The following UBA6 variants were observed in gnomAD, a reference collection of about 807,000 sequenced individuals.
The protein encoded by UBA6 is ubiquitin-like modifier-activating enzyme 6.
Under a neutral mutation model 148.3 loss-of-function variants are expected in UBA6, and 87 were observed. The ratio of observed to expected loss-of-function variants is 0.59; its 90% CI spans 0.49 to 0.70. The LOEUF is 0.70. UBA6 is among the 30% of genes least tolerant of loss of function. The probability of loss-of-function intolerance (pLI) is 0.00; values close to 1 mark genes in which losing one functional copy is unlikely to be tolerated. For missense variants in UBA6, 1,186 were observed against 1,241.2 expected (o/e 0.96, Z 0.67); for synonymous variants, 376 against 401.0 (o/e 0.94, Z 0.75).
rs1203118001 is a variant in UBA6 at position 67,646,069 on chromosome 4, T to C, written c.1317-53A>G. ...CAGAAATAAAAAACATTAAAATTAG[T>C]TTCACTGTCATTAATACCAATTTAA... On this transcript the variant is annotated intron_variant, in intron 15 of 32. Coordinates refer to ENST00000322244, the MANE Select transcript of UBA6 (RefSeq NM_018227.6). 19 of 1,087,618 alleles carry C rather than the reference T, an allele frequency of 1.7e-5. No individual in the cohort carries two copies. The South Asian group carries it at 2.5e-4, about 14-fold the overall frequency. 67.4% of individuals were successfully genotyped at this position (1,087,618 alleles called of 1,614,324 possible).
At chr4:67,655,979 A>G (rs1401632186) in intron 13 of UBA6, among the ~76,000 whole-genome samples, 1 of 152,238 alleles carries the variant, frequency 6.6e-6, no homozygotes. Flanking sequence ...CCCTCCCAAG[A>G]CTAAACCAGA....
intron 1 of UBA6, among the ~76,000 whole-genome samples, chr4:67,697,369 T>C (rs1337702905): frequency 1.3e-5 from 2 of 152,228 alleles, no homozygotes; most frequent in South Asian, 2.1e-4. Context: ...TTTCTCTATA[T>C]ATACAGTCTT....
rs899510860 is a variant in UBA6 at position 67,616,423 on chromosome 4, T to C, written c.*2574A>G. The stretch of plus-strand genomic sequence containing the variant: ...CCATGAATATCACCAGAGTGTGACA[T>C]AGTAGATTAAAAAATAAAGATATAC... On this transcript the variant is annotated 3_prime_UTR_variant, in exon 33 of 33. Transcript: ENST00000322244. The C allele has an allele frequency of 2.4e-5, 7 of 294,036 alleles. No individual in the cohort carries two copies. Among genetic ancestry groups the C allele is most frequent in the East Asian group, 5.1e-5 (1 of 19,532 alleles). 18.2% of individuals were successfully genotyped at this position (294,036 alleles called of 1,614,324 possible). A position where few individuals can be genotyped will look rare whatever the true frequency, so the allele number is the denominator to read the frequency against.
intron 6 of UBA6, among the ~76,000 whole-genome samples, chr4:67,675,872 T>C (rs1479312964): frequency 1.3e-5 from 2 of 152,180 alleles, no homozygotes; most frequent in South Asian, 2.1e-4. Context: ...CTTTTTCCCA[T>C]CTTGTTATTT....
intron 7 of UBA6, 33 bp downstream of exon 7, chr4:67,673,664 T>C: frequency 6.8e-7 from 1 of 1,473,160 alleles, no homozygotes; most frequent in Non-Finnish European, 9.4e-7. Flanking sequence ...CTTCCTTGGT[T>C]AACTACATGT....
Position 67,618,753 on chromosome 4 carries a change from A to C in UBA6, c.*244T>G, listed in dbSNP as rs1577782948. ...ACAGATTAATACACAAAACTTTTGT[A>C]AATAGCATTCCAGTTCAAAGTTGCT... On this transcript the variant is annotated 3_prime_UTR_variant, in exon 33 of 33. Coordinates refer to ENST00000322244, the MANE Select transcript of UBA6 (RefSeq NM_018227.6). 5.5e-6 allele frequency: 2 copies of C among 363,592 alleles called. No individual in the cohort carries two copies. The highest frequency in any genetic ancestry group is 9.8e-6 in the Non-Finnish European group (2 of 203,916). The allele number at this position is 363,592 out of a possible 1,614,324, so 22.5% of individuals were successfully genotyped here.
At chr4:67,681,206 T>C (rs931533253) in intron 4 of UBA6, among the ~76,000 whole-genome samples, 6 of 152,224 alleles carry the variant, frequency 3.9e-5, no homozygotes, top group African/African-American at 1.4e-4. Context: ...GAAAATTATA[T>C]TGCTGCTTCA....
chr4:67,658,640 A>T (rs1027798247), intron 13 of UBA6, among the ~76,000 whole-genome samples: 3 of 152,196 alleles, frequency 2.0e-5, no homozygotes, highest in Admixed American at 1.3e-4. Context: ...CCCATGATGC[A>T]AATTTACCTA....
In UBA6 at chr4:67,635,526, T is replaced by C. The variant is rs745697876; in HGVS notation, c.1769A>G (p.Asp590Gly). Residue 590 changes from aspartate to glycine, a missense_variant, in exon 20 of 33, where the codon GAT (aspartate) becomes GGT (glycine). Asp to Gly is a moderately conservative substitution (Grantham distance 94). Coordinates refer to ENST00000322244, the MANE Select transcript of UBA6 (RefSeq NM_018227.6). ...TCCCTTAGTGCCCATTGTTCCAGAA[T>C]CTAAAAGAGGCCTTAGATTTGCTAA... is the stretch of plus-strand genomic sequence containing the variant. ...RCLANLRPLL[D>G]SGTMGTKGHT... is the part of the protein sequence containing the mutation. 1 of 1,612,966 alleles carries C rather than the reference T, an allele frequency of 6.2e-7. No homozygotes were observed. Among genetic ancestry groups the C allele is most frequent in the Non-Finnish European group, 8.5e-7 (1 of 1,179,208 alleles).
chr4:67,701,109 G>A lies in UBA6; in HGVS notation c.11C>T (p.Ser4Phe), dbSNP rs756082302. 6.2e-7 allele frequency: 1 copy of A among 1,613,252 alleles called. No homozygotes were observed. The highest frequency in any genetic ancestry group is 8.5e-7 in the Non-Finnish European group (1 of 1,179,756). ...CCCCTGATGGGCGGCCACAGGCTCG[G>A]ATCCTTCCATTGCCGCCTGAGACAC... Reference protein sequence around the residue: MEGSEPVAAHQGEE... With the variant: MEGFEPVAAHQGEE... Residue 4 changes from serine to phenylalanine, a missense_variant, in exon 1 of 33, where the codon TCC becomes TTC. Coordinates refer to ENST00000322244, the MANE Select transcript of UBA6 (RefSeq NM_018227.6).
At position 67,638,875 on chromosome 4, in the gene UBA6, A is replaced by G. The variant is rs1729233982; in HGVS notation, c.1736+68T>C. ...TCAGATAATTCCGTAACTTTTCAATAAGTAATGTGGGAAACAGAAGTGAAA... is the reference window on the plus strand; with the variant it reads ...TCAGATAATTCCGTAACTTTTCAATGAGTAATGTGGGAAACAGAAGTGAAA... On this transcript the variant is annotated intron_variant, in intron 19 of 32. Coordinates refer to ENST00000322244, the MANE Select transcript of UBA6 (RefSeq NM_018227.6). 7 of 1,192,316 alleles carry G rather than the reference A, an allele frequency of 5.9e-6. No homozygotes were observed. The East Asian group carries it at 1.6e-4, about 28-fold the overall frequency. The allele number at this position is 1,192,316 out of a possible 1,614,324, so 73.9% of individuals were successfully genotyped here.
At chr4:67,622,722 G>A in intron 32 of UBA6, 109 bp downstream of exon 32, 1 of 763,784 alleles carries the variant, frequency 1.3e-6, no homozygotes, top group South Asian at 2.2e-5. Context: ...CATTAGACAA[G>A]ACTAATGCTT....
rs1728782836 is a variant in UBA6 at position 67,622,920 on chromosome 4, C to A, written c.2934G>T (p.Lys978Asn). The A allele has an allele frequency of 6.2e-7, 1 of 1,607,016 alleles. No homozygotes were observed. The highest frequency in any genetic ancestry group is 1.7e-5 in the Admixed American group (1 of 58,778). The change falls in exon 32 of 33, where the codon AAG becomes AAT. Residue 978 changes from lysine to asparagine, a missense_variant. Physicochemically the swap from Lys to Asn is moderately conservative, Grantham distance 94. Transcript: ENST00000322244. ...LLDFINAVKE[K>N]YGIEPTMVVQ... Reference sequence around the variant, plus strand: ...CCACCATTGTTGGCTCAATTCCATACTTCTCCTAAAAGTGAATATCCAAAA... The same window carrying A: ...CCACCATTGTTGGCTCAATTCCATAATTCTCCTAAAAGTGAATATCCAAAA...
chr4:67,677,381 A>C (rs971724402), intron 6 of UBA6, among the ~76,000 whole-genome samples: 1 of 152,220 alleles, frequency 6.6e-6, no homozygotes. Flanking sequence ...GTAGTTTTTA[A>C]TGGATATTAC....
intron 13 of UBA6, among the ~76,000 whole-genome samples, chr4:67,659,012 T>A (rs2109929439): frequency 6.6e-6 from 1 of 152,302 alleles, no homozygotes; most frequent in Middle Eastern, 3.4e-3. Flanking sequence ...ACCCAAAGAG[T>A]GAAAAATTTA....
At chr4:67,663,741 G>A in intron 11 of UBA6, 144 bp downstream of exon 11, 1 of 549,804 alleles carries the variant, frequency 1.8e-6, no homozygotes, top group Non-Finnish European at 3.2e-6. Context: ...CTTTAGATAT[G>A]TGAGTATAAC....
At chr4:67,684,098 C>CGGATTT (rs1730504666) in intron 2 of UBA6, among the ~76,000 whole-genome samples, 1 of 152,098 alleles carries the variant, frequency 6.6e-6, no homozygotes, top group African/African-American at 2.4e-5. Flanking sequence ...AAACAACCCC[C>CGGATTT]TGCCCCCAGC....
intron 14 of UBA6, 79 bp from the exon 15 acceptor site, chr4:67,646,870 AAT>A: frequency 2.7e-6 from 2 of 729,036 alleles, no homozygotes; most frequent in Non-Finnish European, 4.0e-6. Flanking sequence ...ATAGTTATTT[AAT>A]AGTCATGAAG....
At chr4:67,681,510 G>T in intron 4 of UBA6, 53 bp downstream of exon 4, 2 of 1,249,658 alleles carry the variant, frequency 1.6e-6, no homozygotes, top group East Asian at 2.5e-5. Context: ...CATAACAAAT[G>T]AGCCAAAAAA....
Sources: gnomAD v4.1 joint callset for allele counts (sites outside exome capture counted in the v4.1 genomes callset) on GRCh38, gnomAD v4.1.1 for gene constraint, MANE v1.5 for transcripts, NCBI Gene and HGNC (gene_info 2026-07-23, HGNC 2026-07-21) for gene names.